Variants in ACTR3C observed in about 807,000 individuals in gnomAD.
ACTR3C encodes the protein actin related protein 3C, also known as actin-related protein 3C.
Under a neutral mutation model 26.3 loss-of-function variants are expected in ACTR3C, and 18 were observed. The observed-to-expected ratio is 0.68, with a 90% CI of 0.47 to 1.01. The LOEUF is 1.01. ACTR3C is among the 50% of genes least tolerant of loss of function. ACTR3C has a pLI of 0.00. For synonymous variants in ACTR3C, 55 were observed against 94.5 expected, an observed-to-expected ratio of 0.58 and a Z score of 2.42; for missense variants, 184 against 250.7, an observed-to-expected ratio of 0.73 and a Z score of 1.80.
At chr7:150,128,660 G>A in the ACTR3C span, among the ~76,000 whole-genome samples, 26,644 of 147,860 alleles carry the variant, frequency 0.18, 2,298 homozygotes, top group Non-Finnish European at 0.23. Flanking sequence ...TCTCATGCAC[G>A]CTTCCTTCAT....
the ACTR3C span, among the ~76,000 whole-genome samples, chr7:150,044,189 A>G: frequency 1.3e-5 from 2 of 152,262 alleles, no homozygotes; most frequent in South Asian, 4.1e-4. Flanking sequence ...TTAAAAAACT[A>G]AAAAGAAATG....
At chr7:150,322,208 C>T (rs1174037126) in intron 1 of ACTR3C, among the ~76,000 whole-genome samples, 1 of 152,122 alleles carries the variant, frequency 6.6e-6, no homozygotes, top group African/African-American at 2.4e-5. Context: ...GGCATTTGCC[C>T]CAGTGTCAGA....
At chr7:150,083,537 C>CA in the ACTR3C span, among the ~76,000 whole-genome samples, 1 of 152,136 alleles carries the variant, frequency 6.6e-6, no homozygotes, top group Admixed American at 6.5e-5. Context: ...ACTTCACTCC[C>CA]ACCTAGGTGA....
the ACTR3C span, among the ~76,000 whole-genome samples, chr7:150,143,341 G>A: frequency 6.6e-6 from 1 of 152,118 alleles, no homozygotes. Context: ...GCACAACAGA[G>A]TTATGATATC....
chr7:150,237,422 G>C, the ACTR3C span, among the ~76,000 whole-genome samples: 1 of 152,052 alleles, frequency 6.6e-6, no homozygotes, highest in Admixed American at 6.5e-5. Flanking sequence ...AGTGGGACTT[G>C]GCAGATAAAT....
At chr7:150,259,976 C>A (rs1833524032) in intron 6 of ACTR3C, among the ~76,000 whole-genome samples, 1 of 152,176 alleles carries the variant, frequency 6.6e-6, no homozygotes, top group Non-Finnish European at 1.5e-5. Flanking sequence ...GAATTTTTGA[C>A]CTTTTGTTCC....
chr7:149,964,487 G>A, the ACTR3C span, among the ~76,000 whole-genome samples: 1 of 152,196 alleles, frequency 6.6e-6, no homozygotes, highest in Non-Finnish European at 1.5e-5. Context: ...TCAGATTACA[G>A]ATAATGGGGT....
At chr7:150,018,569 G>A in the ACTR3C span, among the ~76,000 whole-genome samples, 23 of 150,010 alleles carry the variant, frequency 1.5e-4, 1 homozygote, top group South Asian at 6.3e-4. Context: ...TGTGTCAAGC[G>A]AAAACACAGT....
the ACTR3C span, among the ~76,000 whole-genome samples, chr7:150,053,789 A>G: frequency 5.9e-5 from 9 of 152,262 alleles, no homozygotes; most frequent in African/African-American, 2.2e-4. Context: ...CAGAAAGTGG[A>G]AAACTTGACT....
At chr7:149,999,072 G>A in the ACTR3C span, among the ~76,000 whole-genome samples, 12 of 150,360 alleles carry the variant, frequency 8.0e-5, no homozygotes, top group East Asian at 2.1e-4. Context: ...CACTAGCTGC[G>A]TGCTCCTGGA....
the ACTR3C span, among the ~76,000 whole-genome samples, chr7:150,172,208 G>A: frequency 6.6e-6 from 1 of 150,618 alleles, no homozygotes; most frequent in African/African-American, 2.5e-5. Context: ...AAATGTACTT[G>A]TATTAGTCCA....
chr7:150,151,931 TTA>T, the ACTR3C span, among the ~76,000 whole-genome samples: 1,357 of 138,528 alleles, frequency 9.8e-3, 129 homozygotes, highest in African/African-American at 0.031. Context: ...ATTCCAGCGT[TTA>T]TATGTTTGTC....
the ACTR3C span, among the ~76,000 whole-genome samples, chr7:150,112,857 GT>G: frequency 6.6e-6 from 1 of 152,070 alleles, no homozygotes; most frequent in African/African-American, 2.4e-5. Context: ...CCCTGACTCT[GT>G]TTCCCCTCCT....
the ACTR3C span, among the ~76,000 whole-genome samples, chr7:150,093,092 G>A: frequency 4.0e-5 from 6 of 151,324 alleles, no homozygotes; most frequent in African/African-American, 9.8e-5. Context: ...AAGTACTTGC[G>A]GCCTCATCTA....
chr7:150,265,375 T>TA lies in ACTR3C; in HGVS notation c.565-16322dup, dbSNP rs756281956. On this transcript the variant is annotated intron_variant, in intron 6 of 7. Transcript: ENST00000683684. ...AACAAATTAATGTAATAGATTTTTT[T>TA]AAAAAAACATTTTATTTAAAAAAAA... Among the ~76,000 whole-genome samples the TA allele has an allele frequency of 1.9e-3, 285 of 148,182 alleles. 1 individual carries two copies. The highest frequency in any genetic ancestry group is 3.5e-3 in the Non-Finnish European group (236 of 67,946).
chr7:150,301,477 A>C (rs1431289324), intron 1 of ACTR3C, among the ~76,000 whole-genome samples: 3 of 152,282 alleles, frequency 2.0e-5, no homozygotes, highest in Non-Finnish European at 2.9e-5. Context: ...TGAAGATTAA[A>C]TACAAACATC....
chr7:150,154,289 G>T, the ACTR3C span, among the ~76,000 whole-genome samples: 1 of 152,064 alleles, frequency 6.6e-6, no homozygotes, highest in Non-Finnish European at 1.5e-5. Context: ...TACCCTCAAT[G>T]ACCCATCTTC....
chr7:150,119,561 C>T, the ACTR3C span, among the ~76,000 whole-genome samples: 2 of 152,164 alleles, frequency 1.3e-5, no homozygotes, highest in African/African-American at 4.8e-5. Context: ...GCACCCAATA[C>T]AGGAGCACCC....
the ACTR3C span, among the ~76,000 whole-genome samples, chr7:149,924,286 G>A: frequency 0.95 from 142,564 of 150,410 alleles, 67,954 homozygotes; most frequent in East Asian, 1. Context: ...GAGGCAGGAG[G>A]ATTGCTTGAA....
Sources: gnomAD v4.1 joint callset for allele counts (sites outside exome capture counted in the v4.1 genomes callset) on GRCh38, gnomAD v4.1.1 for gene constraint, MANE v1.5 for transcripts, NCBI Gene and HGNC (gene_info 2026-07-23, HGNC 2026-07-21) for gene names.